The following TBC1D14 variants were observed in gnomAD, a reference collection of about 807,000 sequenced individuals.
TBC1D14 encodes TBC1 domain family member 14.
A neutral mutation model predicts 79.0 loss-of-function variants in TBC1D14; 26 were observed. The observed-to-expected ratio is 0.33, with a 90% CI of 0.24 to 0.46. The LOEUF (loss-of-function observed/expected upper bound fraction) is 0.46, where lower values mean the gene tolerates loss of function less well. Among genes scored for constraint, TBC1D14 ranks in the 20% least tolerant of loss-of-function variants. The pLI, the probability that TBC1D14 is intolerant of heterozygous loss-of-function variation, is 1.00. For missense variants in TBC1D14, 769 were observed against 887.6 expected (o/e 0.87, Z 1.70); for synonymous variants, 394 against 349.9 (o/e 1.13, Z -1.40).
intron 3 of TBC1D14, among the ~76,000 whole-genome samples, chr4:6,985,658 T>C (rs1422672655): frequency 2.0e-5 from 3 of 152,226 alleles, no homozygotes; most frequent in African/African-American, 7.2e-5. Context: ...TATGTAACTT[T>C]ACAGTATCGG....
intron 3 of TBC1D14, among the ~76,000 whole-genome samples, chr4:6,985,388 C>T (rs185367727): frequency 2.6e-5 from 4 of 152,288 alleles, no homozygotes; most frequent in Admixed American, 1.3e-4. Flanking sequence ...TTTCTCACGA[C>T]TTTTACCTTT....
chr4:7,013,743 CT>C (rs11318080), intron 11 of TBC1D14, among the ~76,000 whole-genome samples: 116,692 of 137,156 alleles, frequency 0.85, 49,602 homozygotes, highest in East Asian at 0.96. Context: ...TTTCCAGATA[CT>C]TTTTTTTTTT....
chr4:6,996,237 A>G, intron 4 of TBC1D14, 88 bp from the exon 5 acceptor site: 1 of 1,079,480 alleles, frequency 9.3e-7, no homozygotes, highest in Non-Finnish European at 1.4e-6. Flanking sequence ...TGAGCTTTAT[A>G]TTTTTTAGGA....
chr4:6,919,285 T>G (rs1370066451), intron 1 of TBC1D14, among the ~76,000 whole-genome samples: 3 of 152,022 alleles, frequency 2.0e-5, no homozygotes, highest in Admixed American at 6.6e-5. Context: ...TAGCTGGGAT[T>G]ACAGGCATGC....
rs1324640397 is a variant in TBC1D14, at chr4:6,909,886, G to T, written c.-83G>T. ...GGCGTCCTCGTCGCGCGAGTTGCCG[G>T]TCCCGCGGGGCCTGGGCTGCGGGCC... On this transcript the variant is annotated 5_prime_UTR_variant, in exon 1 of 14. Transcript: ENST00000409757. 2 of 148,110 alleles carry T rather than the reference G, an allele frequency of 1.4e-5. No homozygotes were observed. The highest frequency in any genetic ancestry group is 2.4e-5 in the African/African-American group (1 of 41,052). The allele number at this position is 148,110 out of a possible 1,614,324, so 9.2% of individuals were successfully genotyped here. A position where few individuals can be genotyped will look rare whatever the true frequency, so the allele number is the denominator to read the frequency against.
chr4:6,942,692 G>A (rs911106318), intron 2 of TBC1D14, among the ~76,000 whole-genome samples: 2 of 152,266 alleles, frequency 1.3e-5, no homozygotes, highest in South Asian at 2.1e-4. Flanking sequence ...CGGGGAAGGC[G>A]GGTCAAAAGG....
intron 2 of TBC1D14, among the ~76,000 whole-genome samples, chr4:6,938,448 C>T (rs1295407669): frequency 6.6e-6 from 1 of 152,208 alleles, no homozygotes; most frequent in Admixed American, 6.5e-5. Context: ...TGAGGCGCCA[C>T]TTCCTCTTCT....
At chr4:6,983,403 A>G (rs973506021) in intron 3 of TBC1D14, among the ~76,000 whole-genome samples, 4 of 152,216 alleles carry the variant, frequency 2.6e-5, no homozygotes, top group Admixed American at 2.0e-4. Flanking sequence ...AATCTCATGT[A>G]ACTCCTAGAG....
At position 7,032,783 on chromosome 4, in the gene TBC1D14, A is replaced by G. The variant is rs919721732; in HGVS notation, c.*2391A>G. ...GTGCTGCTCCTCCAGAGGTCTGCAC[A>G]CTCCACTTCACATGCCGTTGACTCT... On this transcript the variant is annotated 3_prime_UTR_variant, in exon 14 of 14. Transcript: ENST00000409757. 3.3e-5 allele frequency: 5 copies of G among 152,108 alleles called. No individual in the cohort carries two copies. Among genetic ancestry groups the G allele is most frequent in the African/African-American group, 1.2e-4 (5 of 41,396 alleles). The allele number at this position is 152,108 out of a possible 1,614,324, so 9.4% of individuals were successfully genotyped here.
At chr4:7,025,431 G>A (rs759092907) in intron 13 of TBC1D14, among the ~76,000 whole-genome samples, 169 bp downstream of exon 13, 1 of 152,232 alleles carries the variant, frequency 6.6e-6, no homozygotes, top group Non-Finnish European at 1.5e-5. Context: ...AGGGCGTCTC[G>A]GCGGGTCGCC....
intron 1 of TBC1D14, among the ~76,000 whole-genome samples, chr4:6,914,289 AACTT>A (rs888909040): frequency 1.3e-5 from 2 of 152,222 alleles, no homozygotes; most frequent in South Asian, 2.1e-4. Flanking sequence ...CATGGGCTGA[AACTT>A]ACTTAAACAG....
intron 7 of TBC1D14, among the ~76,000 whole-genome samples, chr4:7,001,966 C>T (rs968447862): frequency 6.6e-6 from 1 of 152,228 alleles, no homozygotes; most frequent in African/African-American, 2.4e-5. Flanking sequence ...CCTGCTCTTT[C>T]TTGGGCCTAG....
intron 7 of TBC1D14, among the ~76,000 whole-genome samples, 186 bp from the exon 8 acceptor site, chr4:7,004,656 CTG>C (rs1211063468): frequency 6.6e-6 from 1 of 152,284 alleles, no homozygotes; most frequent in East Asian, 1.9e-4. Flanking sequence ...TTGTTTCAGG[CTG>C]TGTCTTTAAA....
At chr4:6,949,648 A>G (rs1577073364) in intron 2 of TBC1D14, among the ~76,000 whole-genome samples, 1 of 145,948 alleles carries the variant, frequency 6.9e-6, no homozygotes, top group Non-Finnish European at 1.5e-5. Flanking sequence ...GTGCCACTGC[A>G]CTCCGACCTG....
intron 12 of TBC1D14, among the ~76,000 whole-genome samples, chr4:7,024,414 G>A (rs889887678): frequency 5.9e-5 from 9 of 152,226 alleles, no homozygotes; most frequent in Non-Finnish European, 1.2e-4. Context: ...TGTTGGGCAG[G>A]TTTTGAGAGC....
At chr4:6,989,874 C>T (rs1718309860) in intron 3 of TBC1D14, among the ~76,000 whole-genome samples, 1 of 152,154 alleles carries the variant, frequency 6.6e-6, no homozygotes, top group African/African-American at 2.4e-5. Flanking sequence ...GGTGCTGCTG[C>T]CATGTTGGTA....
chr4:6,985,906 C>G (rs1011411036), intron 3 of TBC1D14, among the ~76,000 whole-genome samples: 2 of 152,106 alleles, frequency 1.3e-5, no homozygotes, highest in African/African-American at 4.8e-5. Context: ...AATAATATAC[C>G]ATGAGATCCA....
Position 6,923,384 on chromosome 4 carries a change from A to G in TBC1D14, c.-6A>G. 1 of 1,586,540 alleles carries G rather than the reference A, an allele frequency of 6.3e-7. No homozygotes were observed. The highest frequency in any genetic ancestry group is 8.6e-7 in the Non-Finnish European group (1 of 1,165,400). ...TGTGTTTTTTCTAGTTTCTCCTTGG[A>G]CCAAGATGACTGATGGAAAACTCTC... On this transcript the variant is annotated 5_prime_UTR_variant, in exon 2 of 14. Coordinates refer to ENST00000409757, the MANE Select transcript of TBC1D14 (RefSeq NM_020773.3).
chr4:6,954,923 T>A (rs1161322150), intron 2 of TBC1D14, among the ~76,000 whole-genome samples: 1 of 152,240 alleles, frequency 6.6e-6, no homozygotes, highest in Non-Finnish European at 1.5e-5. Context: ...CTTTTTAGCA[T>A]CAGTTGCTAC....
Sources: allele counts gnomAD v4.1 joint callset (sites outside exome capture counted in the v4.1 genomes callset), GRCh38; gene constraint gnomAD v4.1.1; transcripts MANE v1.5; gene names NCBI Gene and HGNC (gene_info 2026-07-23, HGNC 2026-07-21).